Variants in FRMPD1 observed in about 807,000 individuals in gnomAD.
The protein encoded by FRMPD1 is FERM and PDZ domain-containing protein 1.
A neutral mutation model predicts 117.8 loss-of-function variants in FRMPD1; 76 were observed. The ratio of observed to expected loss-of-function variants is 0.65; its 90% CI spans 0.54 to 0.78. FRMPD1 has a LOEUF of 0.78. Among genes scored for constraint, FRMPD1 ranks in the 30% least tolerant of loss-of-function variants. The pLI is 0.00. For synonymous variants in FRMPD1, 783 were observed against 770.4 expected, an observed-to-expected ratio of 1.02 and a Z score of -0.27; for missense variants, 1,786 against 1,964.5, an observed-to-expected ratio of 0.91 and a Z score of 1.72.
chr9:37,722,053 C>T (rs1437904107), intron 6 of FRMPD1, among the ~76,000 whole-genome samples: 1 of 152,114 alleles, frequency 6.6e-6, no homozygotes, highest in Non-Finnish European at 1.5e-5. Context: ...GAAAAAATTT[C>T]CCACTGGGAA....
At position 37,701,979 on chromosome 9, in the gene FRMPD1, A is replaced by G. The variant is rs145661811; in HGVS notation, c.102-5437A>G. Reference sequence around the variant, plus strand: ...TGAAGGATAAGAGTGGAGGAAAGTCAAGGATGACTCTGGGATTCTGGCTTG... The same window carrying G: ...TGAAGGATAAGAGTGGAGGAAAGTCGAGGATGACTCTGGGATTCTGGCTTG... On this transcript the variant is annotated intron_variant, in intron 2 of 15. Transcript: ENST00000377765. 8.7e-3 allele frequency among the ~76,000 whole-genome samples: 1,326 copies of G among 152,274 alleles called. 17 individuals carry two copies. The highest frequency in any genetic ancestry group is 0.035 in the South Asian group (170 of 4,814).
intron 15 of FRMPD1, among the ~76,000 whole-genome samples, chr9:37,743,520 CTTTTTTTTTTTTTTTTTT>C (rs531949141): frequency 0.08 from 3,270 of 40,912 alleles, 240 homozygotes; most frequent in African/African-American, 0.23. Context: ...AATGGCTCTG[CTTTTTTTTTTTTTTTTTT>C]TTTTTTTTTT....
intron 3 of FRMPD1, 66 bp from the exon 4 acceptor site, chr9:37,708,333 C>T (rs1398570607): frequency 3.5e-5 from 33 of 937,848 alleles, no homozygotes; most frequent in Middle Eastern, 3.2e-4. Context: ...TTAACTGTGC[C>T]GCTATTACAC....
chr9:37,621,198 T>A, the FRMPD1 span, among the ~76,000 whole-genome samples: 1 of 152,192 alleles, frequency 6.6e-6, no homozygotes, highest in South Asian at 2.1e-4. Flanking sequence ...AGGCCTACAC[T>A]AGGGTAGACC....
chr9:37,636,462 C>T, the FRMPD1 span, among the ~76,000 whole-genome samples: 38 of 152,288 alleles, frequency 2.5e-4, no homozygotes, highest in African/African-American at 9.1e-4. Flanking sequence ...GCAGAGCAGG[C>T]CCCCGCCCTG....
intron 1 of FRMPD1, among the ~76,000 whole-genome samples, chr9:37,651,881 C>A (rs1820686712): frequency 6.6e-6 from 1 of 152,260 alleles, no homozygotes; most frequent in Admixed American, 6.5e-5. Context: ...CGGATCTCTG[C>A]ATTTAGTCAG....
intron 13 of FRMPD1, 78 bp from the exon 14 acceptor site, chr9:37,737,018 T>TCG: frequency 9.0e-7 from 1 of 1,110,068 alleles, no homozygotes; most frequent in Non-Finnish European, 1.3e-6. Context: ...CTCTCGTTGG[T>TCG]CCCACATGGC....
intron 2 of FRMPD1, 101 bp downstream of exon 2, chr9:37,692,843 G>A: frequency 1.2e-6 from 1 of 867,052 alleles, no homozygotes; most frequent in Non-Finnish European, 1.9e-6. Context: ...GCTGTCTCCG[G>A]CTTGCTTTGT....
chr9:37,725,447 C>CATGCAT (rs1403250430), intron 7 of FRMPD1, among the ~76,000 whole-genome samples: 1 of 152,238 alleles, frequency 6.6e-6, no homozygotes, highest in Admixed American at 6.5e-5. Context: ...CATTCACACA[C>CATGCAT]ATGCATATGC....
chr9:37,619,407 G>A, the FRMPD1 span, among the ~76,000 whole-genome samples: 40,624 of 152,006 alleles, frequency 0.27, 6,450 homozygotes, highest in African/African-American at 0.44. Flanking sequence ...AAAGAGGGTA[G>A]GAGGAAGAAA....
At chr9:37,624,649 C>G in the FRMPD1 span, among the ~76,000 whole-genome samples, 1 of 152,234 alleles carries the variant, frequency 6.6e-6, no homozygotes, top group East Asian at 1.9e-4. Context: ...CCTGCTATGA[C>G]AACTCTCTAT....
intron 1 of FRMPD1, among the ~76,000 whole-genome samples, chr9:37,658,687 CTGTT>C (rs2119376962): frequency 6.6e-6 from 1 of 152,284 alleles, no homozygotes; most frequent in South Asian, 2.1e-4. Context: ...CTCCTCCTGT[CTGTT>C]TCAAATCTTT....
chr9:37,643,687 C>A, the FRMPD1 span, among the ~76,000 whole-genome samples: 1 of 152,110 alleles, frequency 6.6e-6, no homozygotes, highest in Non-Finnish European at 1.5e-5. Context: ...GCTATTGACT[C>A]CCTTTAAATA....
chr9:37,658,271 C>G (rs1820898529), intron 1 of FRMPD1, among the ~76,000 whole-genome samples: 1 of 152,134 alleles, frequency 6.6e-6, no homozygotes. Context: ...CAGTTAGGTC[C>G]CGGTGGGTCC....
the FRMPD1 span, among the ~76,000 whole-genome samples, chr9:37,623,743 G>T: frequency 6.6e-6 from 1 of 152,184 alleles, no homozygotes; most frequent in African/African-American, 2.4e-5. Flanking sequence ...AGATAGAATT[G>T]ATTGAAGGTA....
Position 37,746,535 on chromosome 9 carries a change from C to T in FRMPD1, c.4503C>T (p.Ala1501=), listed in dbSNP as rs375564417. ...CCTTCCAGCACCTGGTCCAGCTGGCCGGCCTGTGCTTTCAGTTCACAGACT... is the reference window on the plus strand; with the variant it reads ...CCTTCCAGCACCTGGTCCAGCTGGCTGGCCTGTGCTTTCAGTTCACAGACT... ...RDTFQHLVQL[A]GLCFQFTDCS... Residue 1501 remains alanine (A), a synonymous_variant, in exon 16 of 16, where the codon GCC becomes GCT. Coordinates refer to ENST00000377765, the MANE Select transcript of FRMPD1 (RefSeq NM_014907.3). 17 of 1,613,668 alleles carry T rather than the reference C, an allele frequency of 1.1e-5. No homozygotes were observed. In the African/African-American group the frequency reaches 1.6e-4, roughly 15 times the overall value.
At position 37,745,179 on chromosome 9, in the gene FRMPD1, T is replaced by C. The variant is rs1338545762; in HGVS notation, c.3147T>C (p.His1049=). 3.1e-6 allele frequency: 5 copies of C among 1,614,004 alleles called. No homozygotes were observed. Among genetic ancestry groups the C allele is most frequent in the South Asian group, 2.2e-5 (2 of 91,082 alleles). ...CACTAGAGCTCCAGTTGGAGCCCCA[T>C]GTCCAGTTGGAAATGGGATTGGAAT... is the stretch of plus-strand genomic sequence containing the variant. ...GDTLELQLEP[H]VQLEMGLESF... The change falls in exon 16 of 16, where the codon CAT becomes CAC. Residue 1049 remains histidine, a synonymous_variant. Coordinates refer to ENST00000377765, the MANE Select transcript of FRMPD1 (RefSeq NM_014907.3).
intron 9 of FRMPD1, 90 bp from the exon 10 acceptor site, chr9:37,732,214 C>T: frequency 1.4e-6 from 2 of 1,381,926 alleles, no homozygotes; most frequent in Middle Eastern, 2.1e-4. Flanking sequence ...CAAAGCGGAG[C>T]TCCTGGTCCT....
chr9:37,669,281 GACTTGCTTGATTCCTTTGATGGTCT>G (rs757211132), intron 1 of FRMPD1, among the ~76,000 whole-genome samples: 2 of 152,208 alleles, frequency 1.3e-5, no homozygotes, highest in Non-Finnish European at 2.9e-5. Flanking sequence ...CCTTGACCTT[GACTTGCTTGATTCCTTTGATGGTCT>G]GCATTGAGGA....
Sources: allele counts gnomAD v4.1 joint callset (sites outside exome capture counted in the v4.1 genomes callset), GRCh38; gene constraint gnomAD v4.1.1; transcripts MANE v1.5; gene names NCBI Gene and HGNC (gene_info 2026-07-23, HGNC 2026-07-21).